CA4: variants seen among roughly 807,000 people sequenced by gnomAD.
CA4 encodes CA-IV.
A neutral mutation model predicts 34.5 loss-of-function variants in CA4; 24 were observed. That is an observed-to-expected ratio of 0.70 (90% CI 0.50 to 0.98). CA4 has a LOEUF of 0.98. Among genes scored for constraint, CA4 ranks in the 50% least tolerant of loss-of-function variants. The pLI is 0.00. For missense variants in CA4, 394 were observed against 396.7 expected, an observed-to-expected ratio of 0.99 and a Z score of 0.06; for synonymous variants, 178 against 170.6, an observed-to-expected ratio of 1.04 and a Z score of -0.34.
downstream of CA4, among the ~76,000 whole-genome samples, chr17:60,173,590 CTAAT>C (rs200702830): frequency 3.2e-3 from 492 of 152,338 alleles, 7 homozygotes; most frequent in Admixed American, 0.02. Flanking sequence ...GAGCTTTTGG[CTAAT>C]TACTGTCACT....
At chr17:60,161,440 G>A (rs1352151708), downstream of CA4, among the ~76,000 whole-genome samples, 1 of 152,118 alleles carries the variant, frequency 6.6e-6, no homozygotes, top group Non-Finnish European at 1.5e-5. Context: ...GCTGGGTGAG[G>A]ACCCCTTTGG....
chr17:60,172,278 G>A (rs1385710329), downstream of CA4, among the ~76,000 whole-genome samples: 1 of 152,148 alleles, frequency 6.6e-6, no homozygotes, highest in East Asian at 1.9e-4. Context: ...GCTGCACTCA[G>A]CTGTGACTGG....
At chr17:60,167,481 G>A (rs2083867423) in intron 5 of CA4, among the ~76,000 whole-genome samples, 1 of 152,232 alleles carries the variant, frequency 6.6e-6, no homozygotes, top group Non-Finnish European at 1.5e-5. Context: ...GAAGTGCCCA[G>A]GCCAAGGCTG....
intron 1 of CA4, among the ~76,000 whole-genome samples, chr17:60,153,331 C>T (rs1167713435): frequency 6.6e-6 from 1 of 152,104 alleles, no homozygotes; most frequent in African/African-American, 2.4e-5. Flanking sequence ...GAGCGAGACT[C>T]TATCTCAATA....
At chr17:60,150,888 C>T (rs1230026254) in intron 1 of CA4, among the ~76,000 whole-genome samples, 1 of 150,156 alleles carries the variant, frequency 6.7e-6, no homozygotes, top group Non-Finnish European at 1.5e-5. Context: ...GCAAGCTCCC[C>T]TGGCCTCCCT....
intron 7 of CA4, 56 bp from the exon 8 acceptor site, chr17:60,159,174 C>T (rs567212140): frequency 1.2e-4 from 170 of 1,467,966 alleles, no homozygotes; most frequent in Middle Eastern, 1.0e-3. Flanking sequence ...TGAGGTCACA[C>T]GGCAGGGAGT....
downstream of CA4, chr17:60,159,609 C>A (rs529895186): frequency 1.5e-5 from 10 of 672,002 alleles, no homozygotes; most frequent in East Asian, 1.4e-4. Flanking sequence ...CCACCCACCC[C>A]TGTTCCTCCT....
downstream of CA4, among the ~76,000 whole-genome samples, chr17:60,163,058 C>T (rs2083811212): frequency 6.6e-6 from 1 of 151,850 alleles, no homozygotes; most frequent in Admixed American, 6.6e-5. Context: ...TTAGATGGTT[C>T]TTGGAAAATA....
chr17:60,176,965 T>C, the CA4 span, among the ~76,000 whole-genome samples: 1 of 152,138 alleles, frequency 6.6e-6, no homozygotes, highest in Non-Finnish European at 1.5e-5. Flanking sequence ...CAGGTGGTAA[T>C]GGGAGCAAGG....
intron 5 of CA4, among the ~76,000 whole-genome samples, chr17:60,169,187 C>T (rs980640517): frequency 1.3e-5 from 2 of 150,054 alleles, no homozygotes; most frequent in African/African-American, 5.0e-5. Flanking sequence ...GCGGAGGTTG[C>T]AGTGAGTTGA....
downstream of CA4, among the ~76,000 whole-genome samples, chr17:60,163,786 C>G (rs1358737770): frequency 1.3e-5 from 2 of 151,774 alleles, no homozygotes; most frequent in African/African-American, 4.9e-5. Flanking sequence ...GAGCAGGACA[C>G]AGGGAAGGGA....
rs546924276 is a variant in CA4, at chr17:60,159,195, C to A, written c.745-35C>A. On this transcript the variant is annotated intron_variant, in intron 7 of 7. Transcript: ENST00000300900. ...CACACGGCAGGGAGTGCAGCTCCCC[C>A]TGCCCCGACCTGCTGAGCCCCATCA... is the stretch of plus-strand genomic sequence containing the variant. 1.2e-5 allele frequency: 18 copies of A among 1,563,520 alleles called. No individual in the cohort carries two copies. In the African/African-American group the frequency reaches 1.9e-4, roughly 17 times the overall value.
At chr17:60,174,163 G>C (rs1258583790), downstream of CA4, among the ~76,000 whole-genome samples, 1 of 152,034 alleles carries the variant, frequency 6.6e-6, no homozygotes, top group Non-Finnish European at 1.5e-5. Flanking sequence ...CTGGGCGTTA[G>C]AAATCTGAAA....
At chr17:60,162,152 G>A (rs1418659496), downstream of CA4, among the ~76,000 whole-genome samples, 1 of 152,056 alleles carries the variant, frequency 6.6e-6, no homozygotes, top group Non-Finnish European at 1.5e-5. Flanking sequence ...CCCTCCCTGC[G>A]GCCCAGAGGC....
intron 7 of CA4, chr17:60,158,651 G>T: frequency 1.6e-6 from 1 of 609,432 alleles, no homozygotes; most frequent in South Asian, 1.9e-5. Context: ...CAGGAGGCAG[G>T]GGAAGGTGGA....
At chr17:60,164,370 GTCTT>G (rs904471139), downstream of CA4, among the ~76,000 whole-genome samples, 50 of 136,566 alleles carry the variant, frequency 3.7e-4, no homozygotes, top group South Asian at 2.5e-3. Flanking sequence ...CTGTCTGTCT[GTCTT>G]TCTTTCTTTC....
chr17:60,159,559 G>C, downstream of CA4: 1 of 1,053,108 alleles, frequency 9.5e-7, no homozygotes, highest in Non-Finnish European at 1.4e-6. Context: ...TTTCTCAAGT[G>C]TGTTTTTAGC....
downstream of CA4, among the ~76,000 whole-genome samples, chr17:60,162,239 C>T (rs553854092): frequency 3.2e-4 from 49 of 152,268 alleles, no homozygotes; most frequent in Non-Finnish European, 5.7e-4. Context: ...CAGCTCACCC[C>T]GGGCACTGGC....
At chr17:60,154,807 C>A (rs1032102646) in intron 1 of CA4, among the ~76,000 whole-genome samples, 3 of 152,338 alleles carry the variant, frequency 2.0e-5, no homozygotes, top group Admixed American at 6.5e-5. Context: ...ATCTTAGTAA[C>A]ACAGGGTGAG....
Sources: allele counts gnomAD v4.1 joint callset (sites outside exome capture counted in the v4.1 genomes callset), GRCh38; gene constraint gnomAD v4.1.1; transcripts MANE v1.5; gene names NCBI Gene and HGNC (gene_info 2026-07-23, HGNC 2026-07-21).